The following MRPL19 variants were observed in gnomAD, a reference collection of about 807,000 sequenced individuals.
MRPL19 encodes large ribosomal subunit protein bL19m.
Under a neutral mutation model 34.0 loss-of-function variants are expected in MRPL19, and 31 were observed. The observed-to-expected ratio is 0.91, with a 90% confidence interval of 0.68 to 1.23. The LOEUF is 1.23. MRPL19 is among the 50% of genes most tolerant of loss of function. MRPL19 has a pLI of 0.00. For missense variants in MRPL19, 384 were observed against 367.6 expected, an observed-to-expected ratio of 1.04 and a Z score of -0.37; for synonymous variants, 152 against 127.7, an observed-to-expected ratio of 1.19 and a Z score of -1.28.
chr2:75,655,401 T>C lies in MRPL19; in HGVS notation c.*116T>C, dbSNP rs1187916132. The C allele has an allele frequency of 2.7e-6, 2 of 733,462 alleles. No homozygotes were observed. Among genetic ancestry groups the C allele is most frequent in the South Asian group, 2.3e-5 (1 of 43,942 alleles). 45.4% of individuals were successfully genotyped at this position (733,462 alleles called of 1,614,324 possible). A position where few individuals can be genotyped will look rare whatever the true frequency, so the allele number is the denominator to read the frequency against. On this transcript the variant is annotated 3_prime_UTR_variant, in exon 6 of 6. Coordinates refer to ENST00000393909, the MANE Select transcript of MRPL19 (RefSeq NM_014763.4). ...AGTAATTAAGTGAACTAAGCATTCA[T>C]TGTTTTATTAATACTTTTTTTCTAA...
chr2:75,653,660 A>G (rs569576566), intron 4 of MRPL19, among the ~76,000 whole-genome samples: 2 of 152,334 alleles, frequency 1.3e-5, no homozygotes, highest in East Asian at 3.9e-4. Flanking sequence ...TACCATCTGT[A>G]TAATGATAAC....
At chr2:75,650,053 G>A (rs1175004551) in intron 2 of MRPL19, among the ~76,000 whole-genome samples, 1 of 152,044 alleles carries the variant, frequency 6.6e-6, no homozygotes, top group East Asian at 1.9e-4. Flanking sequence ...CTATTTTTTG[G>A]TAGGCTTTAA....
chr2:75,651,829 A>C (rs750326927), intron 2 of MRPL19, among the ~76,000 whole-genome samples: 3 of 152,200 alleles, frequency 2.0e-5, no homozygotes, highest in Non-Finnish European at 4.4e-5. Context: ...GCAATGGGTT[A>C]GTTATTTACC....
At chr2:75,654,665 T>C in intron 4 of MRPL19, 71 bp from the exon 5 acceptor site, 1 of 1,387,484 alleles carries the variant, frequency 7.2e-7, no homozygotes, top group Non-Finnish European at 9.8e-7. Flanking sequence ...ATGAAATGCT[T>C]TTACTGCAGT....
chr2:75,647,397 G>T, intron 2 of MRPL19, 178 bp downstream of exon 2: 1 of 601,844 alleles, frequency 1.7e-6, no homozygotes. Flanking sequence ...CCCCAAGCCA[G>T]CATTGAACTT....
At chr2:75,652,465 GTTTAC>G in intron 3 of MRPL19, 53 bp from the exon 4 acceptor site, 1 of 1,573,640 alleles carries the variant, frequency 6.4e-7, no homozygotes, top group Non-Finnish European at 8.6e-7. Context: ...CTTATATAAA[GTTTAC>G]TTCTCAGCTG....
Position 75,655,905 on chromosome 2 carries a change from A to C in MRPL19, c.*620A>C, listed in dbSNP as rs1678439994. The C allele has an allele frequency of 6.6e-6, 1 of 151,762 alleles. No homozygotes were observed. Among genetic ancestry groups the C allele is most frequent in the African/African-American group, 2.4e-5 (1 of 41,314 alleles). 9.4% of individuals were successfully genotyped at this position (151,762 alleles called of 1,614,324 possible). On this transcript the variant is annotated 3_prime_UTR_variant, in exon 6 of 6. Coordinates refer to ENST00000393909, the MANE Select transcript of MRPL19 (RefSeq NM_014763.4). ...TGAAAAAAAAAACCTGTTAGCAAGTATAAAGGGGCAGTATTACTATTATTG... is the reference window on the plus strand; with the variant it reads ...TGAAAAAAAAAACCTGTTAGCAAGTCTAAAGGGGCAGTATTACTATTATTG...
chr2:75,649,902 G>C (rs1056169385), intron 2 of MRPL19, among the ~76,000 whole-genome samples: 6 of 152,136 alleles, frequency 3.9e-5, no homozygotes, highest in African/African-American at 7.2e-5. Flanking sequence ...CAAGTGTTGG[G>C]ATAACAGACG....
In MRPL19 at chr2:75,655,106, G is replaced by C; in HGVS notation, c.700G>C (p.Glu234Gln). ...GCCTAAGCCCTGGTCTAAACGCTGG[G>C]AACGTCCAAATTTTAATATTAAAGG... ...MKPKPWSKRW[E>Q]RPNFNIKGIR... is the part of the protein sequence containing the mutation. The change falls in exon 6 of 6, where the codon GAA (glutamate) becomes CAA (glutamine). Residue 234 changes from glutamate to glutamine, a missense_variant. By Grantham distance (29) the Glu-to-Gln change is conservative. Coordinates refer to ENST00000393909, the MANE Select transcript of MRPL19 (RefSeq NM_014763.4). 2 of 1,610,272 alleles carry C rather than the reference G, an allele frequency of 1.2e-6. No individual in the cohort carries two copies. Among genetic ancestry groups the C allele is most frequent in the Non-Finnish European group, 1.7e-6 (2 of 1,179,188 alleles).
chr2:75,661,743 G>C lies in MRPL19; in HGVS notation c.*6458G>C, dbSNP rs761067950. On this transcript the variant is annotated 3_prime_UTR_variant, in exon 6 of 6. Coordinates refer to ENST00000393909, the MANE Select transcript of MRPL19 (RefSeq NM_014763.4). ...CAAGCTTGTTGCCAAGGCTGATCTT[G>C]AACTCCTGGCCTCAAACGATCCTCC... 6.6e-6 allele frequency: 1 copy of C among 152,230 alleles called. No individual in the cohort carries two copies. Among genetic ancestry groups the C allele is most frequent in the Non-Finnish European group, 1.5e-5 (1 of 68,110 alleles). The allele number at this position is 152,230 out of a possible 1,614,324, so 9.4% of individuals were successfully genotyped here. A position where few individuals can be genotyped will look rare whatever the true frequency, so the allele number is the denominator to read the frequency against.
At chr2:75,647,438 G>A in intron 2 of MRPL19, 2 of 534,990 alleles carry the variant, frequency 3.7e-6, no homozygotes, top group Non-Finnish European at 6.6e-6. Context: ...AGAACTTCAA[G>A]TAGGGGTTCC....
Position 75,654,835 on chromosome 2 carries a change from A to ATTATC in MRPL19, c.576_577insTATCT (p.Ala193TyrfsTer12), listed in dbSNP as rs1284519290. On this transcript the variant is annotated frameshift_variant, in exon 5 of 6. Coordinates refer to ENST00000393909, the MANE Select transcript of MRPL19 (RefSeq NM_014763.4). LOFTEE classifies it high-confidence loss of function. Reference sequence around the variant, plus strand: ...GATGATAGCTTGCTATACTTACGAGATGCCCTTCCTGAATATAGCACTTTT... The same window carrying ATTATC: ...GATGATAGCTTGCTATACTTACGAGATTATCTGCCCTTCCTGAATATAGCACTTTT... The ATTATC allele has an allele frequency of 3.1e-6, 5 of 1,613,928 alleles. No homozygotes were observed. The South Asian group carries it at 5.5e-5, about 18-fold the overall frequency.
intron 1 of MRPL19, 87 bp from the exon 2 acceptor site, chr2:75,647,015 G>A: frequency 4.0e-6 from 6 of 1,484,392 alleles, no homozygotes; most frequent in Non-Finnish European, 5.4e-6. Context: ...GGTCCCCCGT[G>A]GGACGCCGGG....
In MRPL19 at chr2:75,654,755, A is replaced by C. The variant is rs772770821; in HGVS notation, c.495A>C (p.Glu165Asp). 5 of 1,613,624 alleles carry C rather than the reference A, an allele frequency of 3.1e-6. No homozygotes were observed. Among genetic ancestry groups the C allele is most frequent in the Non-Finnish European group, 4.2e-6 (5 of 1,179,792 alleles). ...IEGQGVEICF[E>D]LYNPRVQEIQ... ...ATTTAGGTGTCGAGATTTGCTTTGA[A>C]CTTTATAATCCTCGGGTCCAGGAGA... The change falls in exon 5 of 6, where the codon GAA (glutamate) becomes GAC (aspartate). Residue 165 changes from glutamate (E) to aspartate (D), a missense_variant. By Grantham distance (45) the Glu-to-Asp change is conservative (BLOSUM62 2). Coordinates refer to ENST00000393909, the MANE Select transcript of MRPL19 (RefSeq NM_014763.4).
intron 2 of MRPL19, among the ~76,000 whole-genome samples, chr2:75,650,951 C>T (rs1678319769): frequency 6.6e-6 from 1 of 152,106 alleles, no homozygotes; most frequent in Admixed American, 6.5e-5. Flanking sequence ...AGAAAGGCTG[C>T]AGTACAGAAG....
At chr2:75,652,801 G>A in intron 4 of MRPL19, 144 bp downstream of exon 4, 1 of 850,086 alleles carries the variant, frequency 1.2e-6, no homozygotes, top group South Asian at 1.9e-5. Flanking sequence ...GCTTTAGAAT[G>A]GATTGAGATT....
intron 2 of MRPL19, 134 bp from the exon 3 acceptor site, chr2:75,652,008 A>G: frequency 1.9e-6 from 1 of 534,244 alleles, no homozygotes; most frequent in Non-Finnish European, 3.3e-6. Flanking sequence ...AATTTTAGAA[A>G]TAAGATTGAC....
At chr2:75,652,367 G>A in intron 3 of MRPL19, 107 bp downstream of exon 3, 2 of 1,287,440 alleles carry the variant, frequency 1.6e-6, no homozygotes, top group South Asian at 2.6e-5. Context: ...TTACATATCT[G>A]GGTTATGCTC....
At position 75,655,455 on chromosome 2, in the gene MRPL19, C is replaced by T; in HGVS notation, c.*170C>T. On this transcript the variant is annotated 3_prime_UTR_variant, in exon 6 of 6. Transcript: ENST00000393909. ...AAAACTTGTACACCAGTTTATTACTCTAAAAAGAGAATTACACATGCCAAA... is the reference window on the plus strand; with the variant it reads ...AAAACTTGTACACCAGTTTATTACTTTAAAAAGAGAATTACACATGCCAAA... 1 of 546,848 alleles carries T rather than the reference C, an allele frequency of 1.8e-6. No individual in the cohort carries two copies. The highest frequency in any genetic ancestry group is 3.1e-6 in the Non-Finnish European group (1 of 318,110). The allele number at this position is 546,848 out of a possible 1,614,324, so 33.9% of individuals were successfully genotyped here.
Sources: allele counts gnomAD v4.1 joint callset (sites outside exome capture counted in the v4.1 genomes callset), GRCh38; gene constraint gnomAD v4.1.1; transcripts MANE v1.5; gene names NCBI Gene and HGNC (gene_info 2026-07-23, HGNC 2026-07-21).